The following CACNB2 variants were observed in gnomAD, a reference collection of about 807,000 sequenced individuals.
CACNB2 encodes the protein voltage-dependent L-type calcium channel subunit beta-2.
Under a neutral mutation model 73.3 loss-of-function variants are expected in CACNB2, and 42 were observed. The ratio of observed to expected loss-of-function variants is 0.57; its 90% confidence interval spans 0.45 to 0.74. The LOEUF is 0.74. CACNB2 is among the 30% of genes least tolerant of loss of function. CACNB2 has a pLI of 0.00. For missense variants in CACNB2, 940 were observed against 853.0 expected (o/e 1.10, Z -1.27); for synonymous variants, 348 against 310.3 (o/e 1.12, Z -1.28).
At chr10:18,405,833 C>A (rs190226766) in intron 3 of CACNB2, among the ~76,000 whole-genome samples, 163 of 152,216 alleles carry the variant, frequency 1.1e-3, no homozygotes, top group African/African-American at 3.9e-3. Flanking sequence ...TGGTGTATGC[C>A]TGTAATCCCA....
At chr10:18,351,868 A>G (rs1363440812) in intron 2 of CACNB2, among the ~76,000 whole-genome samples, 1 of 152,240 alleles carries the variant, frequency 6.6e-6, no homozygotes, top group African/African-American at 2.4e-5. Context: ...TTGATTCAAC[A>G]AGTCAAAATG....
At chr10:18,453,326 C>T (rs1056000551) in intron 3 of CACNB2, among the ~76,000 whole-genome samples, 5 of 152,190 alleles carry the variant, frequency 3.3e-5, no homozygotes, top group Admixed American at 1.3e-4. Flanking sequence ...AAAGGCAGTG[C>T]GTAAACTAGC....
chr10:18,400,216 G>C (rs144243943), intron 2 of CACNB2, among the ~76,000 whole-genome samples: 1 of 152,314 alleles, frequency 6.6e-6, no homozygotes, highest in Admixed American at 6.5e-5. Context: ...TATTATGACT[G>C]ATGAGCATTA....
chr10:18,309,347 G>T (rs1218520939), intron 2 of CACNB2, among the ~76,000 whole-genome samples: 1 of 152,322 alleles, frequency 6.6e-6, no homozygotes, highest in East Asian at 1.9e-4. Context: ...GCCGGAGCTT[G>T]ACTGGGAAGT....
intron 2 of CACNB2, among the ~76,000 whole-genome samples, chr10:18,369,622 G>A (rs1259110751): frequency 6.6e-6 from 1 of 152,094 alleles, no homozygotes; most frequent in East Asian, 1.9e-4. Flanking sequence ...AAAGGGATAA[G>A]AGGGTCGAGC....
At chr10:18,508,788 C>T (rs1452075223) in intron 6 of CACNB2, among the ~76,000 whole-genome samples, 1 of 152,206 alleles carries the variant, frequency 6.6e-6, no homozygotes, top group Non-Finnish European at 1.5e-5. Context: ...CAGACCTTGA[C>T]TTATGATAAG....
intron 2 of CACNB2, among the ~76,000 whole-genome samples, chr10:18,352,128 AT>A (rs1008055529): frequency 6.6e-6 from 1 of 152,246 alleles, no homozygotes; most frequent in Non-Finnish European, 1.5e-5. Flanking sequence ...TTAAAAGTAC[AT>A]TTTTGCATCC....
At chr10:18,517,452 C>A (rs953762654) in intron 7 of CACNB2, among the ~76,000 whole-genome samples, 2 of 152,102 alleles carry the variant, frequency 1.3e-5, no homozygotes, top group East Asian at 3.8e-4. Context: ...GAAATTGCTA[C>A]AAAATTTAGC....
chr10:18,540,019 G>GGTGATGTTAGTGTTTT lies in CACNB2; in HGVS notation c.*296_*311dup, dbSNP rs1413038982. ...CTTGAACAAAATCTGTTGCCACCCA[G>GGTGATGTTAGTGTTTT]GTGATGTTAGTGTTTTAAGAAATGT... On this transcript the variant is annotated 3_prime_UTR_variant, in exon 14 of 14. Transcript: ENST00000324631. The GGTGATGTTAGTGTTTT allele has an allele frequency of 3.0e-6, 1 of 332,672 alleles. No homozygotes were observed. Among genetic ancestry groups the GGTGATGTTAGTGTTTT allele is most frequent in the African/African-American group, 2.1e-5 (1 of 47,270 alleles). The allele number at this position is 332,672 out of a possible 1,614,324, so 20.6% of individuals were successfully genotyped here. A position where few individuals can be genotyped will look rare whatever the true frequency, so the allele number is the denominator to read the frequency against.
rs1286049968 is a variant in CACNB2 at position 18,233,601 on chromosome 10, A to C, written c.213+82626A>C. Among the ~76,000 whole-genome samples, 2 of 152,194 alleles carry C rather than the reference A, an allele frequency of 1.3e-5. 1 individual carries two copies. The highest frequency in any genetic ancestry group is 3.9e-4 in the East Asian group (2 of 5,182). ...AAGCTCTGCCAAAGCTGTGAATTGA[A>C]GCAAATCACATCAGCACTTTGAACA... On this transcript the variant is annotated intron_variant, in intron 2 of 13. Transcript: ENST00000324631.
intron 2 of CACNB2, among the ~76,000 whole-genome samples, chr10:18,328,297 C>A (rs1187297050): frequency 6.6e-6 from 1 of 152,196 alleles, no homozygotes; most frequent in Admixed American, 6.5e-5. Flanking sequence ...AGTTGCATCC[C>A]AGACCAATTA....
intron 2 of CACNB2, among the ~76,000 whole-genome samples, chr10:18,393,399 T>C: frequency 6.6e-6 from 1 of 152,214 alleles, no homozygotes; most frequent in East Asian, 1.9e-4. Context: ...CTTTGGACAA[T>C]GTCAAATTTT....
rs141201431 is a variant in CACNB2 at position 18,504,201 on chromosome 10, A to G, written c.594-2270A>G. 9.0e-3 allele frequency among the ~76,000 whole-genome samples: 1,369 copies of G among 152,308 alleles called. 25 individuals are homozygous for G. The highest frequency in any genetic ancestry group is 0.032 in the African/African-American group (1,314 of 41,562). On this transcript the variant is annotated intron_variant, in intron 5 of 13. Coordinates refer to ENST00000324631, the MANE Select transcript of CACNB2 (RefSeq NM_201596.3). ...AGGACCTGTGGGAGCAGTGGGTATT[A>G]GATCTTACAGGTCACAGATGAGAAA...
At chr10:18,492,548 G>T (rs1399741870) in intron 3 of CACNB2, among the ~76,000 whole-genome samples, 3 of 144,578 alleles carry the variant, frequency 2.1e-5, no homozygotes, top group East Asian at 4.2e-4. Flanking sequence ...TTGAACCCGG[G>T]AGGCAGAGAT....
intron 3 of CACNB2, among the ~76,000 whole-genome samples, chr10:18,496,475 G>A (rs2049821719): frequency 6.6e-6 from 1 of 152,088 alleles, no homozygotes; most frequent in African/African-American, 2.4e-5. Context: ...ATTGAATAGG[G>A]AGAAACTGCT....
chr10:18,241,635 A>G (rs988560301), intron 2 of CACNB2, among the ~76,000 whole-genome samples: 3 of 152,320 alleles, frequency 2.0e-5, no homozygotes, highest in East Asian at 1.9e-4. Flanking sequence ...TGGGAAACAA[A>G]AGTAAAAAAT....
intron 2 of CACNB2, among the ~76,000 whole-genome samples, chr10:18,228,058 G>C (rs1297829663): frequency 6.6e-6 from 1 of 152,168 alleles, no homozygotes. Context: ...TTTCCACAGA[G>C]TGTCTTTTGG....
intron 2 of CACNB2, among the ~76,000 whole-genome samples, chr10:18,195,534 T>C (rs1382486968): frequency 6.6e-6 from 1 of 152,222 alleles, no homozygotes; most frequent in Non-Finnish European, 1.5e-5. Flanking sequence ...AAATGTCTCA[T>C]AAATGCATTC....
At chr10:18,470,249 G>A (rs951981779) in intron 3 of CACNB2, among the ~76,000 whole-genome samples, 2 of 150,992 alleles carry the variant, frequency 1.3e-5, no homozygotes, top group African/African-American at 4.9e-5. Flanking sequence ...CACTTTGGGA[G>A]GCTGAGGCTG....
Sources: allele counts gnomAD v4.1 joint callset (sites outside exome capture counted in the v4.1 genomes callset), GRCh38; gene constraint gnomAD v4.1.1; transcripts MANE v1.5; gene names NCBI Gene and HGNC (gene_info 2026-07-23, HGNC 2026-07-21).